SORL1-AS1: variants seen among roughly 807,000 people sequenced by gnomAD.
SORL1-AS1 encodes SORL1 antisense RNA 1.
intron 1 of SORL1-AS1, among the ~76,000 whole-genome samples, chr11:121,451,783 AG>A (rs1016880272): frequency 7.9e-5 from 12 of 151,894 alleles, no homozygotes; most frequent in Non-Finnish European, 1.6e-4. Flanking sequence ...GCGTTCTAGG[AG>A]CTAATTCTGT....
At chr11:121,439,476 C>T in the SORL1-AS1 span, among the ~76,000 whole-genome samples, 15 of 151,894 alleles carry the variant, frequency 9.9e-5, no homozygotes, top group Non-Finnish European at 2.2e-4. Context: ...GTTTATGAGT[C>T]CTTTGGCACC....
At chr11:121,439,034 C>G in the SORL1-AS1 span, among the ~76,000 whole-genome samples, 1 of 152,126 alleles carries the variant, frequency 6.6e-6, no homozygotes. Flanking sequence ...TCAACAACAA[C>G]AACAAAAGAA....
At position 121,452,336 on chromosome 11, in the gene SORL1-AS1, C is replaced by T; in HGVS notation, n.339+339G>A. 1 of 1,541,716 alleles carries T rather than the reference C, an allele frequency of 6.5e-7. No individual in the cohort carries two copies. The highest frequency in any genetic ancestry group is 8.7e-7 in the Non-Finnish European group (1 of 1,148,796). ...TGCAGTAGCGTTCGCCCGAACATGG[C>T]GACACGGAGCAGCAGGAGGGAGTCG... On this transcript the variant is annotated intron_variant and non_coding_transcript_variant, in intron 1 of 1. Transcript: ENST00000501964. This position sits in a 1 kb window ranked among gnomAD's most constrained non-coding sequence, Gnocchi z 5.3.
Position 121,452,248 on chromosome 11 carries a change from G to A in SORL1-AS1, n.339+427C>T, listed in dbSNP as rs1175081108. The stretch of plus-strand genomic sequence containing the variant: ...CTGGAGCCCCGGGAGCGGCGCGCGC[G>A]GTCCCGGCCCAGCGGCTCTCCTGGC... On this transcript the variant is annotated intron_variant and non_coding_transcript_variant, in intron 1 of 1. Transcript: ENST00000501964. The surrounding 1 kb of genome is among the most constrained non-coding windows in gnomAD (Gnocchi z 5.3). 2 of 1,138,506 alleles carry A rather than the reference G, an allele frequency of 1.8e-6. No individual in the cohort carries two copies. Among genetic ancestry groups the A allele is most frequent in the African/African-American group, 1.6e-5 (1 of 61,422 alleles). 70.5% of individuals were successfully genotyped at this position (1,138,506 alleles called of 1,614,324 possible).
chr11:121,452,400 G>T lies in SORL1-AS1; in HGVS notation n.339+275C>A, dbSNP rs368617512. On this transcript the variant is annotated intron_variant and non_coding_transcript_variant, in intron 1 of 1. Transcript: ENST00000501964. This position sits in a 1 kb window ranked among gnomAD's most constrained non-coding sequence, Gnocchi z 5.3. ...TATTCACCCTGGTCGCACTGCTGCC[G>T]CCCGGAGCTCTCTGCGAAGTCTGGA... 7.2e-6 allele frequency: 11 copies of T among 1,534,052 alleles called. No homozygotes were observed. The African/African-American group carries it at 1.4e-4, about 20-fold the overall frequency.
chr11:121,443,421 A>G (rs1860687633), downstream of SORL1-AS1, among the ~76,000 whole-genome samples: 1 of 152,260 alleles, frequency 6.6e-6, no homozygotes, highest in Non-Finnish European at 1.5e-5. Context: ...CAAGAACCTA[A>G]GGCATGAATA....
chr11:121,451,180 G>A (rs1380122096), intron 1 of SORL1-AS1, among the ~76,000 whole-genome samples: 2 of 152,172 alleles, frequency 1.3e-5, no homozygotes, highest in African/African-American at 2.4e-5. Context: ...TGAGTTCAGA[G>A]GGCAGTGAAA....
At position 121,450,951 on chromosome 11, in the gene SORL1-AS1, T is replaced by C. The variant is rs1483112349; in HGVS notation, n.340-1052A>G. 1.3e-5 allele frequency among the ~76,000 whole-genome samples: 2 copies of C among 152,048 alleles called. No individual in the cohort carries two copies. The highest frequency in any genetic ancestry group is 2.9e-5 in the Non-Finnish European group (2 of 67,990). ...TCTGGCAGGTTGTCAGTGGTAGTCCTAGGTAGAGGAGGGGGCTTTGCTAAG... is the reference window on the plus strand; with the variant it reads ...TCTGGCAGGTTGTCAGTGGTAGTCCCAGGTAGAGGAGGGGGCTTTGCTAAG... On this transcript the variant is annotated intron_variant and non_coding_transcript_variant, in intron 1 of 1. Coordinates refer to ENST00000501964, the Ensembl canonical transcript of SORL1-AS1. The surrounding 1 kb of genome is among the most constrained non-coding windows in gnomAD (Gnocchi z 5.2).
At chr11:121,443,701 C>T (rs886805989), downstream of SORL1-AS1, among the ~76,000 whole-genome samples, 3 of 152,182 alleles carry the variant, frequency 2.0e-5, no homozygotes, top group Non-Finnish European at 2.9e-5. Flanking sequence ...CAGGGAGCTG[C>T]GCTGAGAACA....
At chr11:121,441,530 C>CAAAAAAAAAAAAAAAAAAAAA in the SORL1-AS1 span, among the ~76,000 whole-genome samples, 195 of 52,342 alleles carry the variant, frequency 3.7e-3, 8 homozygotes, top group African/African-American at 5.4e-3. Context: ...GACTCTGTCT[C>CAAAAAAAAAAAAAAAAAAAAA]AAAAAAAAAA....
chr11:121,439,853 T>C, the SORL1-AS1 span, among the ~76,000 whole-genome samples: 1 of 152,174 alleles, frequency 6.6e-6, no homozygotes, highest in African/African-American at 2.4e-5. Context: ...CTGCCACAAG[T>C]TGTATTTGAA....
the SORL1-AS1 span, among the ~76,000 whole-genome samples, chr11:121,440,438 T>C: frequency 7.0e-4 from 106 of 152,238 alleles, no homozygotes; most frequent in Non-Finnish European, 1.2e-3. Context: ...TGCTGAGACT[T>C]TGAACTAAAG....
chr11:121,439,262 A>G, the SORL1-AS1 span, among the ~76,000 whole-genome samples: 181 of 151,604 alleles, frequency 1.2e-3, no homozygotes, highest in African/African-American at 4.2e-3. Context: ...TTAAATTTTA[A>G]CCATTCTGGC....
chr11:121,443,654 G>A (rs1045311050), downstream of SORL1-AS1, among the ~76,000 whole-genome samples: 5 of 152,222 alleles, frequency 3.3e-5, no homozygotes, highest in Admixed American at 6.5e-5. Flanking sequence ...AAGTGTGATT[G>A]GCACTTGAAG....
Position 121,452,326 on chromosome 11 carries a change from C to T in SORL1-AS1, n.339+349G>A, listed in dbSNP as rs1236568383. On this transcript the variant is annotated intron_variant and non_coding_transcript_variant, in intron 1 of 1. Coordinates refer to ENST00000501964, the Ensembl canonical transcript of SORL1-AS1. The surrounding 1 kb of genome is among the most constrained non-coding windows in gnomAD (Gnocchi z 5.3). ...CGGCGCCACCTGCAGTAGCGTTCGC[C>T]CGAACATGGCGACACGGAGCAGCAG... The T allele has an allele frequency of 2.6e-6, 4 of 1,531,498 alleles. No individual in the cohort carries two copies. The highest frequency in any genetic ancestry group is 3.5e-6 in the Non-Finnish European group (4 of 1,143,510). The allele number at this position is 1,531,498 out of a possible 1,614,324, so 94.9% of individuals were successfully genotyped here. A position where few individuals can be genotyped will look rare whatever the true frequency, so the allele number is the denominator to read the frequency against.
exon 2 of SORL1-AS1, chr11:121,449,729 G>A (rs1860766319): frequency 6.6e-6 from 1 of 152,310 alleles, no homozygotes; most frequent in South Asian, 2.1e-4. Flanking sequence ...CTGTGAGATT[G>A]GTAGGGATTA....
chr11:121,442,983 T>G (rs1019388894), downstream of SORL1-AS1, among the ~76,000 whole-genome samples: 3 of 149,600 alleles, frequency 2.0e-5, no homozygotes, highest in African/African-American at 7.4e-5. Flanking sequence ...CAGCCAAGGC[T>G]CTGTCTCACA....
downstream of SORL1-AS1, among the ~76,000 whole-genome samples, chr11:121,445,729 T>G (rs561913488): frequency 6.6e-6 from 1 of 152,090 alleles, no homozygotes; most frequent in East Asian, 1.9e-4. Context: ...TCCAGAGAGT[T>G]TGCCTATCAC....
At chr11:121,447,119 C>A (rs919012941), downstream of SORL1-AS1, among the ~76,000 whole-genome samples, 2 of 152,082 alleles carry the variant, frequency 1.3e-5, no homozygotes, top group African/African-American at 4.8e-5. Flanking sequence ...TCCTAGGGAC[C>A]CTCAGCAACC....
Sources: allele counts gnomAD v4.1 joint callset (sites outside exome capture counted in the v4.1 genomes callset), GRCh38; gene constraint gnomAD v4.1.1; non-coding constraint Gnocchi (gnomAD v3.1); transcripts MANE v1.5; gene names NCBI Gene and HGNC (gene_info 2026-07-23, HGNC 2026-07-21).